Variants in CDC25A observed in about 807,000 individuals in gnomAD.
CDC25A encodes M-phase inducer phosphatase 1.
Under a neutral mutation model 64.6 loss-of-function variants are expected in CDC25A, and 17 were observed. That is an observed-to-expected ratio of 0.26 (90% CI 0.18 to 0.39). The LOEUF (loss-of-function observed/expected upper bound fraction) is 0.39, where lower values mean the gene tolerates loss of function less well. Among genes scored for constraint, CDC25A ranks in the 10% least tolerant of loss-of-function variants. CDC25A has a pLI of 1.00. For synonymous variants in CDC25A, 229 were observed against 238.6 expected (o/e 0.96, Z 0.37); for missense variants, 473 against 654.8 (o/e 0.72, Z 3.03).
rs775627616 is a variant in CDC25A at position 48,165,837 on chromosome 3, T to C, written c.1086A>G (p.Pro362=). ...TTCAAAAGGATGGACTTACAATTTC[T>C]GGAGAGATGTATTTTAAATCCTGAT... ...GKHQDLKYIS[P]EIMASVLNGK... The change falls in exon 11 of 15, where the codon CCA becomes CCG. Residue 362 remains proline (P), a synonymous_variant. Coordinates refer to ENST00000302506, the MANE Select transcript of CDC25A (RefSeq NM_001789.3). The C allele has an allele frequency of 3.2e-5, 51 of 1,609,362 alleles. 1 individual carries two copies. The Admixed American group carries it at 8.3e-4, about 26-fold the overall frequency.
intron 13 of CDC25A, among the ~76,000 whole-genome samples, chr3:48,161,694 G>A (rs2031771351): frequency 1.3e-5 from 2 of 151,958 alleles, no homozygotes; most frequent in African/African-American, 2.4e-5. Context: ...GGACAACAGA[G>A]ACTGACCCTG....
chr3:48,176,561 AATATATAT>A (rs2032470214), intron 8 of CDC25A, among the ~76,000 whole-genome samples: 13 of 144,240 alleles, frequency 9.0e-5, no homozygotes, highest in Admixed American at 7.0e-4. Flanking sequence ...ATATATATAA[AATATATAT>A]TATATATAAT....
intron 13 of CDC25A, 137 bp downstream of exon 13, chr3:48,164,170 A>C: frequency 1.4e-6 from 1 of 724,024 alleles, no homozygotes; most frequent in Non-Finnish European, 2.2e-6. Context: ...ATAAAATTAC[A>C]TATGAAAATG....
At chr3:48,173,868 A>G (rs1309604769) in intron 9 of CDC25A, among the ~76,000 whole-genome samples, 2 of 152,248 alleles carry the variant, frequency 1.3e-5, no homozygotes, top group African/African-American at 4.8e-5. Flanking sequence ...GGAAAAGACA[A>G]TCAACAGATG....
At chr3:48,159,708 G>A (rs2031666782) in intron 13 of CDC25A, among the ~76,000 whole-genome samples, 1 of 152,086 alleles carries the variant, frequency 6.6e-6, no homozygotes, top group South Asian at 2.1e-4. Context: ...GTCCTGCCCA[G>A]CACCTTCACC....
chr3:48,160,154 C>T (rs1424498685), intron 13 of CDC25A, among the ~76,000 whole-genome samples: 2 of 152,190 alleles, frequency 1.3e-5, no homozygotes, highest in Non-Finnish European at 2.9e-5. Flanking sequence ...ACTCTGTCAC[C>T]AGGCTGGAGT....
chr3:48,178,949 A>T (rs1347435147), intron 6 of CDC25A, among the ~76,000 whole-genome samples: 1 of 152,238 alleles, frequency 6.6e-6, no homozygotes, highest in African/African-American at 2.4e-5. Flanking sequence ...GTAGCAGGGT[A>T]GTCCCAATGT....
In CDC25A at chr3:48,183,827, A is replaced by G; in HGVS notation, c.300T>C (p.Asn100=). 1.9e-6 allele frequency: 3 copies of G among 1,582,472 alleles called. No individual in the cohort carries two copies. Among genetic ancestry groups the G allele is most frequent in the Non-Finnish European group, 2.6e-6 (3 of 1,151,934 alleles). ...GTAGGGAATGTATTCTTCTCATAGG[A>G]TTTTCAAGGCTGTAATGAGATCAGA... The part of the protein sequence containing the change: ...GPLDSKENLE[N]PMRRIHSLPQ... The change falls in exon 4 of 15, where the codon AAT becomes AAC. Residue 100 remains asparagine (N), a synonymous_variant. Coordinates refer to ENST00000302506, the MANE Select transcript of CDC25A (RefSeq NM_001789.3).
At chr3:48,171,512 C>T (rs2032269986) in intron 9 of CDC25A, among the ~76,000 whole-genome samples, 1 of 151,278 alleles carries the variant, frequency 6.6e-6, no homozygotes, top group East Asian at 2.0e-4. Context: ...TCCTGAGCAG[C>T]TGGGATTACA....
intron 12 of CDC25A, among the ~76,000 whole-genome samples, chr3:48,164,945 T>TAAA (rs781654424): frequency 7.5e-6 from 1 of 133,318 alleles, no homozygotes. Context: ...CCGTCTCTAC[T>TAAA]AAAAAAAAAA....
chr3:48,163,491 C>A (rs1479578447), intron 13 of CDC25A, among the ~76,000 whole-genome samples: 1 of 151,680 alleles, frequency 6.6e-6, no homozygotes, highest in East Asian at 1.9e-4. Flanking sequence ...GTAATCCCAG[C>A]TACTTGGGAG....
Position 48,158,907 on chromosome 3 carries a change from AG to A in CDC25A, c.*37del. ...CAGCAAAGAGGGTAAAGGGGGATGG[AG>A]GGAAGCTTGGGCTGCTGCTGGCTGG... On this transcript the variant is annotated 3_prime_UTR_variant, in exon 15 of 15. Coordinates refer to ENST00000302506, the MANE Select transcript of CDC25A (RefSeq NM_001789.3). The A allele has an allele frequency of 6.2e-7, 1 of 1,611,732 alleles. No homozygotes were observed. The highest frequency in any genetic ancestry group is 2.2e-5 in the East Asian group (1 of 44,850).
chr3:48,171,065 T>A (rs1184147098), intron 9 of CDC25A, among the ~76,000 whole-genome samples: 1 of 152,120 alleles, frequency 6.6e-6, no homozygotes, highest in Non-Finnish European at 1.5e-5. Flanking sequence ...CAATCTCTAT[T>A]ACGGTAAAAG....
intron 9 of CDC25A, 119 bp from the exon 10 acceptor site, chr3:48,168,063 T>C: frequency 3.3e-6 from 2 of 600,206 alleles, no homozygotes; most frequent in Non-Finnish European, 6.0e-6. Flanking sequence ...AGTAAGAAGT[T>C]TTTATTTTAT....
chr3:48,158,940 C>A lies in CDC25A; in HGVS notation c.*5G>T. Reference sequence around the variant, plus strand: ...TTGGGCTGCTGCTGGCTGGTCCTGCCGCCCTCAGAGCTTCTTCAGACGACT... The same window carrying A: ...TTGGGCTGCTGCTGGCTGGTCCTGCAGCCCTCAGAGCTTCTTCAGACGACT... On this transcript the variant is annotated 3_prime_UTR_variant, in exon 15 of 15. Coordinates refer to ENST00000302506, the MANE Select transcript of CDC25A (RefSeq NM_001789.3). The A allele has an allele frequency of 1.2e-6, 2 of 1,613,886 alleles. No homozygotes were observed. Among genetic ancestry groups the A allele is most frequent in the Non-Finnish European group, 1.7e-6 (2 of 1,179,890 alleles).
Position 48,185,943 on chromosome 3 carries a change from G to C in CDC25A, c.247+760C>G, listed in dbSNP as rs2032829111. Among the ~76,000 whole-genome samples the C allele has an allele frequency of 2.6e-5, 4 of 152,146 alleles. No individual in the cohort carries two copies. In the South Asian group the frequency reaches 8.3e-4, roughly 32 times the overall value. On this transcript the variant is annotated intron_variant, in intron 2 of 14. Transcript: ENST00000302506. ...ACATTACATTTTAAGACTTGCTCTT[G>C]CAGTTCCTTTAACCTAAAGGATCTT...
At chr3:48,169,123 C>T (rs2032170436) in intron 9 of CDC25A, among the ~76,000 whole-genome samples, 1 of 152,152 alleles carries the variant, frequency 6.6e-6, no homozygotes, top group Non-Finnish European at 1.5e-5. Flanking sequence ...TTGGAAGATG[C>T]TTGGTAGGGC....
chr3:48,183,102 GA>G (rs1189052861), intron 4 of CDC25A, 72 bp from the exon 5 acceptor site: 15 of 1,009,772 alleles, frequency 1.5e-5, no homozygotes, highest in Admixed American at 4.0e-5. Flanking sequence ...GTTCTCAAAA[GA>G]AAAAAAAGGG....
Position 48,187,924 on chromosome 3 carries a change from C to A in CDC25A, c.24G>T (p.Pro8=). Residue 8 remains proline (P), a synonymous_variant, in exon 1 of 15, where the codon CCG becomes CCT. Coordinates refer to ENST00000302506, the MANE Select transcript of CDC25A (RefSeq NM_001789.3). ...AGGCGAAGAGCAGGCGGCGGCGGTGCGGGGGCTCCGGGCCCAGTTCCATGG... is the reference window on the plus strand; with the variant it reads ...AGGCGAAGAGCAGGCGGCGGCGGTGAGGGGGCTCCGGGCCCAGTTCCATGG... The part of the protein sequence containing the change: MELGPEP[P]HRRRLLFACS... 1 of 1,526,870 alleles carries A rather than the reference C, an allele frequency of 6.5e-7. No homozygotes were observed. The highest frequency in any genetic ancestry group is 8.8e-7 in the Non-Finnish European group (1 of 1,139,700). The allele number at this position is 1,526,870 out of a possible 1,614,324, so 94.6% of individuals were successfully genotyped here. A position where few individuals can be genotyped will look rare whatever the true frequency, so the allele number is the denominator to read the frequency against.
Sources: gnomAD v4.1 joint callset for allele counts (sites outside exome capture counted in the v4.1 genomes callset) on GRCh38, gnomAD v4.1.1 for gene constraint, MANE v1.5 for transcripts, NCBI Gene and HGNC (gene_info 2026-07-23, HGNC 2026-07-21) for gene names.